The following DDX19A variants were observed in gnomAD, a reference collection of about 807,000 sequenced individuals.
DDX19A encodes DEAD-box helicase 19A.
A neutral mutation model predicts 60.6 loss-of-function variants in DDX19A; 12 were observed. That is an observed-to-expected ratio of 0.20 (90% CI 0.13 to 0.32). DDX19A has a LOEUF of 0.32. Among genes scored for constraint, DDX19A ranks in the 10% least tolerant of loss-of-function variants. The pLI is 1.00. For synonymous variants in DDX19A, 206 were observed against 218.2 expected (o/e 0.94, Z 0.49); for missense variants, 337 against 600.6 (o/e 0.56, Z 4.59).
chr16:70,357,362 G>GTTTTTTTTTTTTTTTTTTTTTTTTT (rs1248365917), intron 4 of DDX19A, among the ~76,000 whole-genome samples: 5 of 48,876 alleles, frequency 1.0e-4, no homozygotes, highest in East Asian at 6.7e-4. Flanking sequence ...TCTGTTTTTG[G>GTTTTTTTTTTTTTTTTTTTTTTTTT]TTTGTTTTTT....
At chr16:70,371,318 T>A in intron 10 of DDX19A, 54 bp from the exon 11 acceptor site, 1 of 1,614,178 alleles carries the variant, frequency 6.2e-7, no homozygotes. Context: ...TGGATGACAG[T>A]GATTTCTGTC....
Position 70,371,366 on chromosome 16 carries a change from C to T in DDX19A, c.1184-6C>T. 2 of 1,613,944 alleles carry T rather than the reference C, an allele frequency of 1.2e-6. No individual in the cohort carries two copies. The highest frequency in any genetic ancestry group is 1.7e-6 in the Non-Finnish European group (2 of 1,179,950). On this transcript the variant is annotated splice_polypyrimidine_tract_variant and splice_region_variant and intron_variant, in intron 10 of 11. Coordinates refer to ENST00000302243, the MANE Select transcript of DDX19A (RefSeq NM_018332.5). ...TCCTCTCAGCCTCCAACTCTCCTTC[C>T]TGCAGGCATTGATGTTGAACAAGTG...
At chr16:70,352,946 A>G (rs1390809830) in intron 2 of DDX19A, among the ~76,000 whole-genome samples, 1 of 152,024 alleles carries the variant, frequency 6.6e-6, no homozygotes, top group African/African-American at 2.4e-5. Flanking sequence ...CTGATATACC[A>G]TGATTTTTAA....
intron 7 of DDX19A, chr16:70,365,759 A>T (rs1194591203): frequency 5.1e-6 from 2 of 389,870 alleles, no homozygotes; most frequent in Non-Finnish European, 9.7e-6. Context: ...TAGTCTGGGC[A>T]ACAGAGTGAG....
In DDX19A at chr16:70,346,932, C is replaced by A. The variant is rs151075279; in HGVS notation, c.-60C>A. 9.3e-5 allele frequency: 143 copies of A among 1,543,872 alleles called. No homozygotes were observed. The African/African-American group carries it at 1.7e-3, about 18-fold the overall frequency. On this transcript the variant is annotated 5_prime_UTR_variant, in exon 1 of 12. Transcript: ENST00000302243. ...TCTCGCGCCGGTGGCGAGGTTAGGG[C>A]CCGCGTTGCGACGTGGTGCAGCGCA...
rs201672351 is a variant in DDX19A at position 70,346,971 on chromosome 16, G to T, written c.-21G>T. The T allele has an allele frequency of 2.3e-5, 37 of 1,609,384 alleles. No individual in the cohort carries two copies. Among genetic ancestry groups the T allele is most frequent in the Non-Finnish European group, 2.9e-5 (34 of 1,178,478 alleles). ...TGGTGCAGCGCATATTTTCACAAGT[G>T]GGTCTCCCTTGTCCGGGACTATGGC... is the stretch of plus-strand genomic sequence containing the variant. On this transcript the variant is annotated 5_prime_UTR_variant, in exon 1 of 12. Coordinates refer to ENST00000302243, the MANE Select transcript of DDX19A (RefSeq NM_018332.5).
rs199527052 is a variant in DDX19A at position 70,365,058 on chromosome 16, A to C, written c.531A>C (p.Thr177=). The part of the protein sequence containing the change: ...LSPTYELALQ[T]GKVIEQMGKF... ...CAACATATGAGCTGGCGCTTCAAAC[A>C]GGAAAAGTGATTGAGCAGATGGGCA... Residue 177 remains threonine, a synonymous_variant, in exon 7 of 12, where the codon ACA becomes ACC. Transcript: ENST00000302243. The C allele has an allele frequency of 2.5e-6, 4 of 1,614,224 alleles. No homozygotes were observed. In the African/African-American group the frequency reaches 5.3e-5, roughly 22 times the overall value.
intron 2 of DDX19A, among the ~76,000 whole-genome samples, chr16:70,351,238 C>T (rs962437021): frequency 2.0e-5 from 3 of 151,638 alleles, no homozygotes; most frequent in Non-Finnish European, 2.9e-5. Context: ...CAGGGTCTCA[C>T]TCTGTCGTGC....
In DDX19A at chr16:70,371,573, G is replaced by A. The variant is rs1464365775; in HGVS notation, c.1375+10G>A. 2.4e-5 allele frequency: 34 copies of A among 1,397,314 alleles called. No homozygotes were observed. In the East Asian group the frequency reaches 2.8e-4, roughly 11 times the overall value. The allele number at this position is 1,397,314 out of a possible 1,614,324, so 86.6% of individuals were successfully genotyped here. A position where few individuals can be genotyped will look rare whatever the true frequency, so the allele number is the denominator to read the frequency against. On this transcript the variant is annotated intron_variant, in intron 11 of 11. Transcript: ENST00000302243. ...ATCCAGGAGCATTTTAGTGAGTCCC[G>A]GGGAGGGTCCTGTGCCTGGCGCCCT...
rs2047290667 is a variant in DDX19A at position 70,372,448 on chromosome 16, C to T, written c.*462C>T. 1.5e-5 allele frequency: 3 copies of T among 202,988 alleles called. No individual in the cohort carries two copies. The highest frequency in any genetic ancestry group is 3.0e-5 in the Non-Finnish European group (3 of 99,354). 12.6% of individuals were successfully genotyped at this position (202,988 alleles called of 1,614,324 possible). On this transcript the variant is annotated 3_prime_UTR_variant, in exon 12 of 12. Coordinates refer to ENST00000302243, the MANE Select transcript of DDX19A (RefSeq NM_018332.5). ...GGCCAGAGCTGCCCCCTCTCTGTCTCTTCAATGGACCCTTCACAAGTGTTT... is the reference window on the plus strand; with the variant it reads ...GGCCAGAGCTGCCCCCTCTCTGTCTTTTCAATGGACCCTTCACAAGTGTTT...
At position 70,366,343 on chromosome 16, in the gene DDX19A, C is replaced by T. The variant is rs769116860; in HGVS notation, c.782+81C>T. The T allele has an allele frequency of 5.7e-6, 9 of 1,588,782 alleles. No homozygotes were observed. The East Asian group carries it at 1.1e-4, about 20-fold the overall frequency. ...CCTTCACTTCAGACGCCTCCTCTGG[C>T]TTCTGCCTGGGTCTTGGCTCTCGTA... On this transcript the variant is annotated intron_variant, in intron 8 of 11. Coordinates refer to ENST00000302243, the MANE Select transcript of DDX19A (RefSeq NM_018332.5).
chr16:70,370,057 C>T (rs566046959), intron 9 of DDX19A, among the ~76,000 whole-genome samples, 166 bp from the exon 10 acceptor site: 6 of 152,096 alleles, frequency 3.9e-5, no homozygotes, highest in Non-Finnish European at 8.8e-5. Context: ...TTCAGCTGAG[C>T]GTGGTGCCTC....
intron 5 of DDX19A, chr16:70,363,637 A>AT (rs2071431569): frequency 6.6e-6 from 1 of 151,620 alleles, no homozygotes; most frequent in African/African-American, 2.4e-5. Context: ...ACCCAGCCTA[A>AT]TTTTTGTATT....
chr16:70,362,117 G>A (rs1964379374), intron 5 of DDX19A, among the ~76,000 whole-genome samples: 1 of 151,680 alleles, frequency 6.6e-6, no homozygotes, highest in African/African-American at 2.4e-5. Flanking sequence ...AGAGGTTGCA[G>A]TGAGCCGAGA....
In DDX19A at chr16:70,370,293, G is replaced by C. The variant is rs200081510; in HGVS notation, c.1091G>C (p.Gly364Ala). 63 of 1,614,052 alleles carry C rather than the reference G, an allele frequency of 3.9e-5. No homozygotes were observed. The highest frequency in any genetic ancestry group is 4.6e-5 in the Non-Finnish European group (54 of 1,180,028). The change falls in exon 10 of 12, where the codon GGG becomes GCG. Residue 364 changes from glycine (G) to alanine (A), a missense_variant. Transcript: ENST00000302243. ...GGCCACCAGGTGGCTCTGCTGAGTG[G>C]GGAGATGATGGTGGAGCAGAGGGCT... ...KEGHQVALLS[G>A]EMMVEQRAAV...
At chr16:70,358,187 C>T (rs1366896394) in intron 4 of DDX19A, among the ~76,000 whole-genome samples, 2 of 152,250 alleles carry the variant, frequency 1.3e-5, no homozygotes, top group East Asian at 1.9e-4. Context: ...TGAGCCACCA[C>T]ACCTGGCTAA....
At chr16:70,353,704 C>A (rs1309498921) in intron 2 of DDX19A, among the ~76,000 whole-genome samples, 1 of 151,668 alleles carries the variant, frequency 6.6e-6, no homozygotes, top group Non-Finnish European at 1.5e-5. Flanking sequence ...AGTTTGAGAC[C>A]AGCCTGGCCA....
intron 4 of DDX19A, among the ~76,000 whole-genome samples, chr16:70,358,157 C>G (rs191621119): frequency 5.3e-5 from 8 of 152,150 alleles, no homozygotes; most frequent in South Asian, 2.1e-4. Context: ...CAGCCTCTCA[C>G]GTAGCTGGGA....
chr16:70,364,052 T>G lies in DDX19A; in HGVS notation c.387-491T>G, dbSNP rs1964448674. ...TATTTATCTTTTTTAATGACAACCA[T>G]GCCACCTATTCCCATGATGCTGGGT... is the stretch of plus-strand genomic sequence containing the variant. On this transcript the variant is annotated intron_variant, in intron 5 of 11. Transcript: ENST00000302243. The G allele has an allele frequency of 1.3e-5, 2 of 153,178 alleles. 1 individual carries two copies. Among genetic ancestry groups the G allele is most frequent in the Admixed American group, 1.3e-4 (2 of 15,362 alleles). The allele number at this position is 153,178 out of a possible 1,614,324, so 9.5% of individuals were successfully genotyped here. A position where few individuals can be genotyped will look rare whatever the true frequency, so the allele number is the denominator to read the frequency against.
Sources: allele counts gnomAD v4.1 joint callset (sites outside exome capture counted in the v4.1 genomes callset), GRCh38; gene constraint gnomAD v4.1.1; transcripts MANE v1.5; gene names NCBI Gene and HGNC (gene_info 2026-07-23, HGNC 2026-07-21).